The following ECHDC1 variants were observed in gnomAD, a reference collection of about 807,000 sequenced individuals.
The protein encoded by ECHDC1 is ethylmalonyl-CoA decarboxylase.
A neutral mutation model predicts 29.7 loss-of-function variants in ECHDC1; 29 were observed. The observed-to-expected ratio is 0.98, with a 90% CI of 0.73 to 1.33. ECHDC1 has a LOEUF of 1.33. Among genes scored for constraint, ECHDC1 ranks in the 40% most tolerant of loss-of-function variants. ECHDC1 has a pLI of 0.00. For synonymous variants in ECHDC1, 126 were observed against 123.1 expected, an observed-to-expected ratio of 1.02 and a Z score of -0.15; for missense variants, 328 against 350.0, an observed-to-expected ratio of 0.94 and a Z score of 0.50.
At chr6:127,315,622 C>A in intron 4 of ECHDC1, 1 of 260,546 alleles carries the variant, frequency 3.8e-6, no homozygotes, top group East Asian at 1.1e-4. Context: ...TACACTGCTC[C>A]CATGTAGAAA....
rs1381846089 is a variant in ECHDC1 at position 127,327,020 on chromosome 6, T to C, written c.345A>G (p.Lys115=). 4 of 1,613,676 alleles carry C rather than the reference T, an allele frequency of 2.5e-6. No individual in the cohort carries two copies. Among genetic ancestry groups the C allele is most frequent in the Non-Finnish European group, 3.4e-6 (4 of 1,179,858 alleles). The change falls in exon 3 of 6, where the codon AAA becomes AAG. Residue 115 remains lysine (K), a synonymous_variant. Coordinates refer to ENST00000454859, the MANE Select transcript of ECHDC1 (RefSeq NM_001002030.2). ...FSSGSDLNAV[K]SLGTPEDGMA... is the part of the protein sequence containing the mutation. ...CACTTGCCTCTGGAGTTCCTAGTGA[T>C]TTCACAGCATTCAGATCAGATCCTG...
chr6:127,312,154 G>A (rs370251409), intron 5 of ECHDC1, among the ~76,000 whole-genome samples: 7 of 152,044 alleles, frequency 4.6e-5, no homozygotes, highest in Middle Eastern at 3.4e-3. Flanking sequence ...ATAGACACAC[G>A]AGCATACTTC....
chr6:127,317,455 C>G (rs6903878), intron 3 of ECHDC1, among the ~76,000 whole-genome samples: 110,991 of 151,946 alleles, frequency 0.73, 40,713 homozygotes, highest in East Asian at 0.78. Flanking sequence ...AAAGAACTGA[C>G]TTTGAATCCT....
rs573778357 is a variant in ECHDC1, at chr6:127,341,170, C to G, written c.-3+2166G>C. On this transcript the variant is annotated intron_variant, in intron 1 of 5. Transcript: ENST00000454859. Reference sequence around the variant, plus strand: ...TCATTCTATTCCCTCCCACTACTGTCTCTCCTTTTCTCTCCTCCTCTTATA... The same window carrying G: ...TCATTCTATTCCCTCCCACTACTGTGTCTCCTTTTCTCTCCTCCTCTTATA... Among the ~76,000 whole-genome samples, 136 of 152,242 alleles carry G rather than the reference C, an allele frequency of 8.9e-4. 2 individuals carry two copies. The highest frequency in any genetic ancestry group is 3.2e-3 in the African/African-American group (133 of 41,528).
At chr6:127,331,918 C>T (rs1783993605) in intron 1 of ECHDC1, 1 of 976,366 alleles carries the variant, frequency 1.0e-6, no homozygotes, top group Non-Finnish European at 1.2e-6. Flanking sequence ...TTTTCTGTTC[C>T]CCAAGGTTCT....
At chr6:127,328,840 C>T (rs1386705507) in intron 2 of ECHDC1, among the ~76,000 whole-genome samples, 2 of 152,086 alleles carry the variant, frequency 1.3e-5, no homozygotes, top group Non-Finnish European at 2.9e-5. Flanking sequence ...TCCTGGCCAA[C>T]ACGGTGAAAC....
intron 5 of ECHDC1, among the ~76,000 whole-genome samples, chr6:127,309,538 G>C (rs796154202): frequency 8.4e-5 from 10 of 118,634 alleles, no homozygotes; most frequent in Non-Finnish European, 1.4e-4. Flanking sequence ...CACACACACA[G>C]GAAAAAATAG....
intron 5 of ECHDC1, among the ~76,000 whole-genome samples, chr6:127,308,793 A>G (rs1173619917): frequency 6.6e-6 from 1 of 152,206 alleles, no homozygotes; most frequent in Non-Finnish European, 1.5e-5. Flanking sequence ...TACAAAAATC[A>G]GTAGCTTTTC....
intron 5 of ECHDC1, among the ~76,000 whole-genome samples, chr6:127,299,338 G>C (rs1780872276): frequency 6.6e-6 from 1 of 151,832 alleles, no homozygotes; most frequent in African/African-American, 2.4e-5. Context: ...AGTGGGGTAA[G>C]ATGTGGAGGG....
intron 3 of ECHDC1, 82 bp downstream of exon 3, chr6:127,326,920 A>G: frequency 6.9e-7 from 1 of 1,450,820 alleles, no homozygotes; most frequent in Non-Finnish European, 9.3e-7. Flanking sequence ...AGTCATCATA[A>G]CCATTAGTAA....
intron 1 of ECHDC1, among the ~76,000 whole-genome samples, chr6:127,338,903 T>G (rs1784669883): frequency 6.6e-6 from 1 of 152,240 alleles, no homozygotes; most frequent in African/African-American, 2.4e-5. Context: ...GTTCTATTTC[T>G]TAACCTAGAT....
At chr6:127,311,382 G>T (rs1582959198) in intron 5 of ECHDC1, among the ~76,000 whole-genome samples, 1 of 152,030 alleles carries the variant, frequency 6.6e-6, no homozygotes, top group Non-Finnish European at 1.5e-5. Context: ...TTAACCATAA[G>T]AAAACTGGGG....
chr6:127,315,097 T>G, intron 4 of ECHDC1: 1 of 688,384 alleles, frequency 1.5e-6, no homozygotes, highest in Non-Finnish European at 2.7e-6. Flanking sequence ...AAACATACAA[T>G]AGTTCACAAT....
chr6:127,314,915 A>T lies in ECHDC1; in HGVS notation c.417-19T>A. 6.3e-7 allele frequency: 1 copy of T among 1,592,682 alleles called. No individual in the cohort carries two copies. The highest frequency in any genetic ancestry group is 8.6e-7 in the Non-Finnish European group (1 of 1,163,262). On this transcript the variant is annotated intron_variant, in intron 4 of 5. Coordinates refer to ENST00000454859, the MANE Select transcript of ECHDC1 (RefSeq NM_001002030.2). The stretch of plus-strand genomic sequence containing the variant: ...AGGAAGTCTGTATATTGAAGAAAAA[A>T]CTGATGTTACTATTTTTAATTTCAA...
At chr6:127,295,120 T>G (rs1198189112) in intron 5 of ECHDC1, among the ~76,000 whole-genome samples, 3 of 152,078 alleles carry the variant, frequency 2.0e-5, no homozygotes, top group Admixed American at 2.0e-4. Flanking sequence ...AGCTAATTTT[T>G]GTATTTTTAG....
intron 2 of ECHDC1, 105 bp downstream of exon 2, chr6:127,330,704 G>C: frequency 3.3e-6 from 3 of 899,274 alleles, no homozygotes; most frequent in Non-Finnish European, 5.1e-6. Context: ...TCTACCAAGA[G>C]TACAAGGACT....
chr6:127,293,654 A>C (rs1238364436), intron 5 of ECHDC1, among the ~76,000 whole-genome samples: 1 of 152,206 alleles, frequency 6.6e-6, no homozygotes, highest in Non-Finnish European at 1.5e-5. Flanking sequence ...AAATTGCCTC[A>C]AACACATCTA....
intron 4 of ECHDC1, 187 bp from the exon 5 acceptor site, chr6:127,315,083 T>C: frequency 1.4e-6 from 1 of 699,002 alleles, no homozygotes; most frequent in South Asian, 1.5e-5. Context: ...AACAGTGTAA[T>C]ACTAAACATA....
intron 1 of ECHDC1, among the ~76,000 whole-genome samples, chr6:127,337,146 C>T (rs1260400972): frequency 2.0e-5 from 3 of 152,148 alleles, no homozygotes; most frequent in African/African-American, 7.2e-5. Flanking sequence ...ATATTTAATT[C>T]CTAAATACAT....
Sources: allele counts gnomAD v4.1 joint callset (sites outside exome capture counted in the v4.1 genomes callset), GRCh38; gene constraint gnomAD v4.1.1; transcripts MANE v1.5; gene names NCBI Gene and HGNC (gene_info 2026-07-23, HGNC 2026-07-21).